Variants in FRMPD3 observed in about 807,000 individuals in gnomAD.
FRMPD3 encodes FERM and PDZ domain containing 3, also known as FERM and PDZ domain-containing protein 3.
Under a neutral mutation model 97.9 loss-of-function variants are expected in FRMPD3, and 42 were observed. The ratio of observed to expected loss-of-function variants is 0.43; its 90% CI spans 0.34 to 0.55. The LOEUF (loss-of-function observed/expected upper bound fraction) is 0.55, where lower values mean the gene tolerates loss of function less well. Among genes scored for constraint, FRMPD3 ranks in the 20% least tolerant of loss-of-function variants. The pLI is 0.03. For synonymous variants in FRMPD3, 577 were observed against 581.1 expected, an observed-to-expected ratio of 0.99 and a Z score of 0.10; for missense variants, 1,303 against 1,457.7, an observed-to-expected ratio of 0.89 and a Z score of 1.73.
chrX:107,600,834 A>C lies in FRMPD3; in HGVS notation c.2795A>C (p.Asn932Thr). 1 of 1,209,219 alleles carries C rather than the reference A, an allele frequency of 8.3e-7. No homozygotes were observed. The highest frequency in any genetic ancestry group is 1.1e-6 in the Non-Finnish European group (1 of 894,639). The change falls in exon 15 of 15, where the codon AAC becomes ACC. Residue 932 changes from asparagine (N) to threonine (T), a missense_variant. Physicochemically the swap from Asn to Thr is moderately conservative, Grantham distance 65. Transcript: ENST00000683843. ...GAGCAGGTCTCTGAGCTGAGGGACA[A>C]CCTGCCCAAGGAGGTCAGGTTGAGC... Reference protein sequence around the residue: ...SEEQVSELRDNLPKEVRLSPK... With the variant: ...SEEQVSELRDTLPKEVRLSPK...
intron 11 of FRMPD3, among the ~76,000 whole-genome samples, chrX:107,563,913 C>A (rs192991728): frequency 1.8e-5 from 2 of 112,301 alleles, no homozygotes; most frequent in Admixed American, 1.9e-4. Flanking sequence ...TAAGACTGTG[C>A]CCCAGGCTAG....
rs1924687959 is a variant in FRMPD3 at position 107,603,879 on chromosome X, C to G, written c.*506C>G. 1 of 113,997 alleles carries G rather than the reference C, an allele frequency of 8.8e-6. No individual in the cohort carries two copies. The highest frequency in any genetic ancestry group is 3.2e-5 in the African/African-American group (1 of 30,871). 9.4% of individuals were successfully genotyped at this position (113,997 alleles called of 1,213,427 possible). ...CCCATCCACCTTGGGCTCACACTCA[C>G]CTGGTAGATGCCACCCTGAGGGCCT... is the stretch of plus-strand genomic sequence containing the variant. On this transcript the variant is annotated 3_prime_UTR_variant, in exon 15 of 15. Transcript: ENST00000683843.
Position 107,603,217 on chromosome X carries a change from GCAGCAA to G in FRMPD3, c.5181_5186del (p.Gln1742_Gln1743del). ...AGCAGCAGCAACAACAACAGCAGCA[GCAGCAA>G]CAACAACAGCAGCAGCAACAACAAC... On this transcript the variant is annotated inframe_deletion, in exon 15 of 15. Transcript: ENST00000683843. The G allele has an allele frequency of 1.7e-6, 2 of 1,171,968 alleles. No homozygotes were observed. Among genetic ancestry groups the G allele is most frequent in the Non-Finnish European group, 2.3e-6 (2 of 875,409 alleles).
chrX:107,600,936 A>G lies in FRMPD3; in HGVS notation c.2897A>G (p.Asn966Ser), dbSNP rs190679656. Residue 966 changes from asparagine to serine, a missense_variant, in exon 15 of 15, where the codon AAT becomes AGT. By Grantham distance (46) the Asn-to-Ser change is conservative (BLOSUM62 1). Around this residue, in one of 3 missense-constraint regions of FRMPD3, gnomAD observed 764 missense variants for 820.2 expected, o/e 0.93. Coordinates refer to ENST00000683843, the MANE Select transcript of FRMPD3 (RefSeq NM_001388459.1). ...GCCGCCCTACAGCAAGTGGTTCACA[A>G]TAAGAGTCTAGTCACTGCTGGTGGG... ...ISAALQQVVH[N>S]KSLVTAGGAL... is the part of the protein sequence containing the mutation. 748 of 1,207,645 alleles carry G rather than the reference A, an allele frequency of 6.2e-4. 4 individuals are homozygous for G. The African/African-American group carries it at 0.011, about 18-fold the overall frequency.
At chrX:107,486,627 C>T (rs946118880) in intron 1 of FRMPD3, among the ~76,000 whole-genome samples, 6 of 111,943 alleles carry the variant, frequency 5.4e-5, no homozygotes, top group Non-Finnish European at 1.1e-4. Flanking sequence ...AAAGTTCCTG[C>T]CACACTTGTC....
intron 13 of FRMPD3, among the ~76,000 whole-genome samples, chrX:107,585,421 G>A (rs1309331472): frequency 2.7e-5 from 3 of 111,477 alleles, no homozygotes; most frequent in Non-Finnish European, 5.6e-5. Context: ...CTTCCTATTT[G>A]AATACACTTT....
chrX:107,471,381 G>T (rs1163846146), intron 1 of FRMPD3, among the ~76,000 whole-genome samples: 1 of 100,628 alleles, frequency 9.9e-6, no homozygotes, highest in East Asian at 3.4e-4. Flanking sequence ...AGAACGTGCA[G>T]GTTTGTTACA....
In FRMPD3 at chrX:107,603,804, AG is replaced by A. The variant is rs1924683951; in HGVS notation, c.*432del. Reference sequence around the variant, plus strand: ...CCCTGCTGGGAGCAGTGGCAGTAGCAGCAGGCCACATTGCCGTGCCGAGGGG... The same window carrying A: ...CCCTGCTGGGAGCAGTGGCAGTAGCACAGGCCACATTGCCGTGCCGAGGGG... On this transcript the variant is annotated 3_prime_UTR_variant, in exon 15 of 15. Coordinates refer to ENST00000683843, the MANE Select transcript of FRMPD3 (RefSeq NM_001388459.1). 1 of 128,692 alleles carries A rather than the reference AG, an allele frequency of 7.8e-6. No individual in the cohort carries two copies. The highest frequency in any genetic ancestry group is 1.6e-5 in the Non-Finnish European group (1 of 63,524). The allele number at this position is 128,692 out of a possible 1,213,427, so 10.6% of individuals were successfully genotyped here.
At chrX:107,548,789 A>G (rs1466435909) in intron 5 of FRMPD3, among the ~76,000 whole-genome samples, 1 of 112,159 alleles carries the variant, frequency 8.9e-6, no homozygotes, top group East Asian at 2.8e-4. Context: ...GGCTGCAGTG[A>G]GCTGTGATTG....
intron 1 of FRMPD3, among the ~76,000 whole-genome samples, chrX:107,454,946 CA>C (rs1931351087): frequency 8.9e-6 from 1 of 111,780 alleles, no homozygotes; most frequent in South Asian, 3.8e-4. Context: ...TGCATTTTAA[CA>C]AGCTCCCCAA....
chrX:107,596,218 A>G (rs1293881318), intron 13 of FRMPD3, among the ~76,000 whole-genome samples: 2 of 111,797 alleles, frequency 1.8e-5, no homozygotes, highest in Non-Finnish European at 3.8e-5. Flanking sequence ...TATAAGGGTA[A>G]TGGCTAAAAA....
intron 1 of FRMPD3, among the ~76,000 whole-genome samples, chrX:107,468,413 A>T (rs182657947): frequency 2.4e-4 from 27 of 112,460 alleles, no homozygotes; most frequent in Admixed American, 8.5e-4. Context: ...TACAATGGTG[A>T]ACAGGACAGA....
intron 5 of FRMPD3, among the ~76,000 whole-genome samples, chrX:107,549,747 C>A (rs1335288658): frequency 1.8e-5 from 2 of 111,507 alleles, no homozygotes; most frequent in African/African-American, 3.3e-5. Context: ...TCTCATCAGC[C>A]CTTCAGCGGG....
intron 12 of FRMPD3, among the ~76,000 whole-genome samples, chrX:107,567,312 T>C (rs1922647357): frequency 8.9e-6 from 1 of 111,966 alleles, no homozygotes; most frequent in Non-Finnish European, 1.9e-5. Context: ...TGAAAAAATG[T>C]ACATAAAATG....
chrX:107,520,000 G>C (rs1318258860), intron 1 of FRMPD3, among the ~76,000 whole-genome samples: 1 of 111,021 alleles, frequency 9.0e-6, no homozygotes, highest in Non-Finnish European at 1.9e-5. Flanking sequence ...TGGACACACT[G>C]GAAGGATTTG....
At chrX:107,589,341 G>A (rs1341241371) in intron 13 of FRMPD3, among the ~76,000 whole-genome samples, 2 of 110,967 alleles carry the variant, frequency 1.8e-5, no homozygotes, top group Admixed American at 9.6e-5. Flanking sequence ...TCAATGGTCA[G>A]GTCCCTCTTC....
chrX:107,491,567 T>C (rs1406982948), intron 1 of FRMPD3, among the ~76,000 whole-genome samples: 3 of 112,414 alleles, frequency 2.7e-5, no homozygotes, highest in Non-Finnish European at 5.6e-5. Context: ...TATTAGGGGC[T>C]CTGCCTACAA....
intron 1 of FRMPD3, among the ~76,000 whole-genome samples, chrX:107,516,041 A>C (rs1922317671): frequency 2.9e-5 from 2 of 67,809 alleles, no homozygotes; most frequent in Non-Finnish European, 2.6e-5. Context: ...CCACCCCACA[A>C]CAGGCCCTGG....
At chrX:107,577,194 A>G (rs1175893874) in intron 13 of FRMPD3, among the ~76,000 whole-genome samples, 1 of 104,386 alleles carries the variant, frequency 9.6e-6, no homozygotes, top group African/African-American at 3.5e-5. Context: ...AAAAAAATAC[A>G]AAAAATAGGC....
Sources: gnomAD v4.1 joint callset for allele counts (sites outside exome capture counted in the v4.1 genomes callset) on GRCh38, gnomAD v4.1.1 for gene constraint, gnomAD v4.1.1 regional missense constraint, MANE v1.5 for transcripts, NCBI Gene and HGNC (gene_info 2026-07-23, HGNC 2026-07-21) for gene names.